Variants in PABPC4L observed in about 807,000 individuals in gnomAD.
PABPC4L encodes poly(A) binding protein cytoplasmic 4 like.
For missense variants in PABPC4L, 452 were observed against 451.4 expected, an observed-to-expected ratio of 1.00 and a Z score of -0.01; for synonymous variants, 169 against 164.1, an observed-to-expected ratio of 1.03 and a Z score of -0.23.
chr4:133,971,871 T>C, the PABPC4L span, among the ~76,000 whole-genome samples: 3 of 152,230 alleles, frequency 2.0e-5, no homozygotes, highest in African/African-American at 7.2e-5. Context: ...AGGAATGTAT[T>C]GTCTGACTTT....
the PABPC4L span, among the ~76,000 whole-genome samples, chr4:134,179,711 A>G: frequency 6.6e-6 from 1 of 152,146 alleles, no homozygotes; most frequent in Non-Finnish European, 1.5e-5. Context: ...AGTGAATGCA[A>G]AACATAAAGA....
chr4:134,078,298 A>G, the PABPC4L span, among the ~76,000 whole-genome samples: 2 of 152,182 alleles, frequency 1.3e-5, no homozygotes, highest in Non-Finnish European at 2.9e-5. Context: ...CACCAAAAGC[A>G]CGTGTATAAA....
the PABPC4L span, among the ~76,000 whole-genome samples, chr4:134,032,042 G>A: frequency 0.01 from 1,533 of 151,302 alleles, 26 homozygotes; most frequent in African/African-American, 0.034. Flanking sequence ...TATTCCATTG[G>A]ATCTCTACTG....
the PABPC4L span, among the ~76,000 whole-genome samples, chr4:134,183,875 A>G: frequency 5.8e-4 from 88 of 151,880 alleles, no homozygotes; most frequent in African/African-American, 2.1e-3. Flanking sequence ...AAATGTATCA[A>G]AAAAAGCCAT....
chr4:134,068,974 T>G, the PABPC4L span, among the ~76,000 whole-genome samples: 1 of 152,170 alleles, frequency 6.6e-6, no homozygotes, highest in Non-Finnish European at 1.5e-5. Flanking sequence ...ACTCCCAAAG[T>G]GCTGGGATTA....
the PABPC4L span, among the ~76,000 whole-genome samples, chr4:134,101,558 C>T: frequency 6.6e-6 from 1 of 151,286 alleles, no homozygotes; most frequent in South Asian, 2.1e-4. Context: ...AAAAAAGAAT[C>T]TTATTTCTCC....
At chr4:133,979,451 T>C in the PABPC4L span, among the ~76,000 whole-genome samples, 4 of 152,194 alleles carry the variant, frequency 2.6e-5, no homozygotes, top group South Asian at 2.1e-4. Context: ...AGTATCATTA[T>C]AGTGCTTTCA....
chr4:134,056,936 G>A, the PABPC4L span, among the ~76,000 whole-genome samples: 5 of 151,894 alleles, frequency 3.3e-5, no homozygotes, highest in South Asian at 2.1e-4. Context: ...AAACCTGAGC[G>A]CCATAGATAT....
chr4:134,130,919 A>G, the PABPC4L span, among the ~76,000 whole-genome samples: 1 of 152,184 alleles, frequency 6.6e-6, no homozygotes, highest in African/African-American at 2.4e-5. Context: ...CACACCACAT[A>G]AATAGAATTA....
At chr4:134,098,762 A>G in the PABPC4L span, among the ~76,000 whole-genome samples, 1 of 151,690 alleles carries the variant, frequency 6.6e-6, no homozygotes, top group African/African-American at 2.4e-5. Context: ...AAGAGAAACT[A>G]GCAAATGGAG....
At chr4:134,114,761 C>A in the PABPC4L span, among the ~76,000 whole-genome samples, 1 of 151,816 alleles carries the variant, frequency 6.6e-6, no homozygotes, top group Non-Finnish European at 1.5e-5. Context: ...TGTGTCAGAG[C>A]ACGTTAAAAA....
the PABPC4L span, among the ~76,000 whole-genome samples, chr4:134,186,058 C>T: frequency 1.3e-5 from 2 of 152,152 alleles, no homozygotes; most frequent in Non-Finnish European, 2.9e-5. Context: ...AATGGAAGAA[C>T]ATTCCATGCT....
the PABPC4L span, among the ~76,000 whole-genome samples, chr4:133,974,233 C>T: frequency 1.5e-4 from 23 of 152,184 alleles, no homozygotes; most frequent in Middle Eastern, 3.4e-3. Context: ...TTTTCAACAA[C>T]GGTACCAAGA....
the PABPC4L span, among the ~76,000 whole-genome samples, chr4:134,108,511 A>G: frequency 1.3e-5 from 2 of 151,916 alleles, no homozygotes; most frequent in Non-Finnish European, 1.5e-5. Context: ...AAGAATAAAA[A>G]TGAAGGACTG....
the PABPC4L span, among the ~76,000 whole-genome samples, chr4:133,980,313 T>C: frequency 1.3e-5 from 2 of 152,200 alleles, no homozygotes; most frequent in Non-Finnish European, 2.9e-5. Flanking sequence ...CTCTTATTTT[T>C]TAACAGCAGC....
the PABPC4L span, among the ~76,000 whole-genome samples, chr4:134,164,262 CAAAAAAAAAAAAAAA>C: frequency 0.013 from 453 of 34,230 alleles, 2 homozygotes; most frequent in African/African-American, 0.037. Flanking sequence ...GACTCCGTCT[CAAAAAAAAAAAAAAA>C]AAAAAAAAAA....
the PABPC4L span, among the ~76,000 whole-genome samples, chr4:134,053,667 G>A: frequency 5.9e-5 from 9 of 152,088 alleles, no homozygotes; most frequent in East Asian, 7.7e-4. Flanking sequence ...TATGAGCATC[G>A]TTTCAAGTTG....
chr4:134,178,880 G>C, the PABPC4L span, among the ~76,000 whole-genome samples: 7 of 151,954 alleles, frequency 4.6e-5, no homozygotes, highest in African/African-American at 1.4e-4. Flanking sequence ...AAACATCTGA[G>C]GAAAAAAATG....
the PABPC4L span, among the ~76,000 whole-genome samples, chr4:134,119,999 G>A: frequency 1.8e-4 from 28 of 151,494 alleles, no homozygotes; most frequent in Non-Finnish European, 4.1e-4. Context: ...AACATTGATA[G>A]CAATCATTTG....
Sources: allele counts gnomAD v4.1 joint callset (sites outside exome capture counted in the v4.1 genomes callset), GRCh38; gene constraint gnomAD v4.1.1; transcripts MANE v1.5; gene names NCBI Gene and HGNC (gene_info 2026-07-23, HGNC 2026-07-21).